Variants in NDST1 observed in about 807,000 individuals in gnomAD.
NDST1 encodes the protein bifunctional heparan sulfate N-deacetylase/N-sulfotransferase 1.
NDST1 carries 35 observed loss-of-function variants against 92.8 expected under a neutral mutation model. The observed-to-expected ratio is 0.38, with a 90% CI of 0.29 to 0.50. The LOEUF (loss-of-function observed/expected upper bound fraction) is 0.50. NDST1 is among the 20% of genes least tolerant of loss of function. NDST1 has a pLI of 0.94. For synonymous variants in NDST1, 493 were observed against 500.3 expected, an observed-to-expected ratio of 0.99 and a Z score of 0.19; for missense variants, 822 against 1,182.7, an observed-to-expected ratio of 0.69 and a Z score of 4.47.
At chr5:150,525,426 A>C (rs550161461) in intron 2 of NDST1, among the ~76,000 whole-genome samples, 3 of 152,236 alleles carry the variant, frequency 2.0e-5, no homozygotes, top group Admixed American at 6.5e-5. Context: ...CAAGGCCTGA[A>C]ATGTCTCTGG....
intron 3 of NDST1, among the ~76,000 whole-genome samples, chr5:150,531,355 C>T (rs140427594): frequency 1.3e-5 from 2 of 152,278 alleles, no homozygotes; most frequent in African/African-American, 4.8e-5. Context: ...CAAGGCCACA[C>T]AGCTGGAGCA....
intron 2 of NDST1, among the ~76,000 whole-genome samples, chr5:150,524,906 G>GT (rs1302809441): frequency 2.6e-5 from 4 of 152,240 alleles, no homozygotes; most frequent in Admixed American, 6.5e-5. Context: ...TCAACCTGTG[G>GT]TAAGTCATAG....
In NDST1 at chr5:150,554,304, T is replaced by A. The variant is rs1482033727; in HGVS notation, c.*972T>A. On this transcript the variant is annotated 3_prime_UTR_variant, in exon 15 of 15. Coordinates refer to ENST00000261797, the MANE Select transcript of NDST1 (RefSeq NM_001543.5). ...GTTTTTTTTTTTCTTGGTGCCAGAG[T>A]TTATACCCTGGGTGCTGGGGTCGCA... 21 of 296,908 alleles carry A rather than the reference T, an allele frequency of 7.1e-5. No homozygotes were observed. The highest frequency in any genetic ancestry group is 1.1e-4 in the Non-Finnish European group (18 of 165,490). The allele number at this position is 296,908 out of a possible 1,614,324, so 18.4% of individuals were successfully genotyped here. A position where few individuals can be genotyped will look rare whatever the true frequency, so the allele number is the denominator to read the frequency against.
intron 2 of NDST1, among the ~76,000 whole-genome samples, chr5:150,525,169 C>G (rs184418682): frequency 2.0e-5 from 3 of 152,174 alleles, no homozygotes; most frequent in African/African-American, 7.2e-5. Flanking sequence ...GGGATTTCCA[C>G]TGCTGTGGGG....
intron 2 of NDST1, among the ~76,000 whole-genome samples, chr5:150,524,347 G>T (rs559935147): frequency 6.6e-6 from 1 of 152,224 alleles, no homozygotes; most frequent in Non-Finnish European, 1.5e-5. Flanking sequence ...CACTGTGTCC[G>T]TCTTGTGGCC....
rs1045942122 is a variant in NDST1, at chr5:150,548,447, C to T, written c.2316+59C>T. The T allele has an allele frequency of 7.6e-6, 12 of 1,574,848 alleles. No individual in the cohort carries two copies. In the African/African-American group the frequency reaches 9.4e-5, roughly 12 times the overall value. The stretch of plus-strand genomic sequence containing the variant: ...CACAGTACTGGCTTGCTGTGGTTAG[C>T]GGAGAGCCTCCAACTCTTTCTCACC... On this transcript the variant is annotated intron_variant, in intron 12 of 14. Transcript: ENST00000261797.
intron 7 of NDST1, 110 bp downstream of exon 7, chr5:150,539,466 G>T: frequency 1.9e-6 from 3 of 1,597,830 alleles, no homozygotes; most frequent in Non-Finnish European, 2.6e-6. Flanking sequence ...GCATGAGTGA[G>T]TGCCTGGCAG....
At chr5:150,526,630 A>T (rs1315987805) in intron 2 of NDST1, among the ~76,000 whole-genome samples, 1 of 152,224 alleles carries the variant, frequency 6.6e-6, no homozygotes. Flanking sequence ...TGAAAATATA[A>T]TATTGCAGCT....
intron 7 of NDST1, 135 bp downstream of exon 7, chr5:150,539,491 C>T (rs1424948688): frequency 6.3e-7 from 1 of 1,580,384 alleles, no homozygotes; most frequent in South Asian, 1.1e-5. Flanking sequence ...GAGACCCACT[C>T]TCCAGCACTG....
intron 1 of NDST1, among the ~76,000 whole-genome samples, chr5:150,517,983 C>A (rs1323804681): frequency 1.3e-5 from 2 of 152,186 alleles, no homozygotes; most frequent in African/African-American, 4.8e-5. Context: ...ACAGGCTGCC[C>A]TTATCAATGG....
intron 11 of NDST1, 74 bp from the exon 12 acceptor site, chr5:150,548,144 G>T: frequency 6.3e-7 from 1 of 1,582,976 alleles, no homozygotes. Context: ...GCCACCTTGC[G>T]GGCTGCTGTC....
chr5:150,541,580 A>T lies in NDST1; in HGVS notation c.1760A>T (p.Glu587Val), dbSNP rs750126972. ...CCACTGTTGTTTTAGGACCCCTGCG[A>T]GGACAAACGTCACAAAGACATCTGG... ...EKDPLWQDPC[E>V]DKRHKDIWSK... The change falls in exon 9 of 15, where the codon GAG (glutamate) becomes GTG (valine). Residue 587 changes from glutamate to valine, a missense_variant. Physicochemically the swap from Glu to Val is moderately radical, Grantham distance 121. Coordinates refer to ENST00000261797, the MANE Select transcript of NDST1 (RefSeq NM_001543.5). 6.2e-7 allele frequency: 1 copy of T among 1,614,076 alleles called. No homozygotes were observed. The highest frequency in any genetic ancestry group is 1.3e-5 in the African/African-American group (1 of 74,922).
intron 3 of NDST1, among the ~76,000 whole-genome samples, chr5:150,531,407 A>G (rs948346430): frequency 2.6e-5 from 4 of 151,750 alleles, no homozygotes; most frequent in Admixed American, 6.5e-5. Context: ...TAAGATGCTG[A>G]TGGTGACTAC....
chr5:150,505,323 G>A (rs1248761337), upstream of NDST1, among the ~76,000 whole-genome samples: 1 of 152,200 alleles, frequency 6.6e-6, no homozygotes, highest in East Asian at 1.9e-4. Flanking sequence ...TGTGGGAGGT[G>A]CAAAGAGCTG....
At position 150,540,565 on chromosome 5, in the gene NDST1, C is replaced by G. The variant is rs528851381; in HGVS notation, c.1749+301C>G. Among the ~76,000 whole-genome samples the G allele has an allele frequency of 3.3e-5, 5 of 152,218 alleles. No individual in the cohort carries two copies. The South Asian group carries it at 1.0e-3, about 32-fold the overall frequency. ...ACGCAGTGGTTCACCCCTATAATCC[C>G]AATACTTTAGGAGGCCAAGGTGGCT... On this transcript the variant is annotated intron_variant, in intron 8 of 14. Coordinates refer to ENST00000261797, the MANE Select transcript of NDST1 (RefSeq NM_001543.5).
rs1233453890 is a variant in NDST1 at position 150,545,411 on chromosome 5, A to T, written c.2070A>T (p.Ala690=). 4 of 1,614,268 alleles carry T rather than the reference A, an allele frequency of 2.5e-6. No individual in the cohort carries two copies. In the Admixed American group the frequency reaches 6.7e-5, roughly 27 times the overall value. ...ATTCAGAAGTGGCGCCCCGGCGGGC[A>T]GCAGCCCTCTTGCCCAAAGCCAAGG... is the stretch of plus-strand genomic sequence containing the variant. ...YFDSEVAPRR[A]AALLPKAKVL... The change falls in exon 11 of 15, where the codon GCA becomes GCT. Residue 690 remains alanine, a synonymous_variant. Coordinates refer to ENST00000261797, the MANE Select transcript of NDST1 (RefSeq NM_001543.5).
intron 6 of NDST1, among the ~76,000 whole-genome samples, chr5:150,538,248 A>G (rs373204354): frequency 7.9e-5 from 12 of 152,324 alleles, no homozygotes; most frequent in African/African-American, 2.6e-4. Context: ...GATGGACCAG[A>G]TCGATAGGGC....
intron 13 of NDST1, 118 bp downstream of exon 13, chr5:150,549,905 A>G (rs1264152276): frequency 1.4e-6 from 1 of 721,404 alleles, no homozygotes; most frequent in African/African-American, 1.7e-5. Context: ...GAAAGTATGG[A>G]AAGTTATTAA....
At chr5:150,509,509 G>A (rs971831176) in intron 1 of NDST1, among the ~76,000 whole-genome samples, 10 of 152,128 alleles carry the variant, frequency 6.6e-5, no homozygotes, top group African/African-American at 2.2e-4. Context: ...GCCTGGGGCA[G>A]GAGGTGGCCC....
Sources: gnomAD v4.1 joint callset for allele counts (sites outside exome capture counted in the v4.1 genomes callset) on GRCh38, gnomAD v4.1.1 for gene constraint, MANE v1.5 for transcripts, NCBI Gene and HGNC (gene_info 2026-07-23, HGNC 2026-07-21) for gene names.